SAMD12: variants seen among roughly 807,000 people sequenced by gnomAD.
SAMD12 encodes the protein sterile alpha motif domain-containing protein 12.
Under a neutral mutation model 15.0 loss-of-function variants are expected in SAMD12, and 9 were observed. That is an observed-to-expected ratio of 0.60 (90% CI 0.36 to 1.05). SAMD12 has a LOEUF of 1.05. Among genes scored for constraint, SAMD12 ranks in the 50% least tolerant of loss-of-function variants. The pLI is 0.01. For missense variants in SAMD12, 230 were observed against 234.2 expected (o/e 0.98, Z 0.12); for synonymous variants, 86 against 90.1 (o/e 0.96, Z 0.25).
In SAMD12 at chr8:118,256,779, T is replaced by TACACACACAC. The variant is rs3052764; in HGVS notation, c.434-59057_434-59048dup. On this transcript the variant is annotated intron_variant, in intron 4 of 4. Coordinates refer to the SAMD12 transcript ENST00000409003. ...CTTAATGTAATATATCTGCATAAGA[T>TACACACACAC]ACACACACACACACACACACACACA... Among the ~76,000 whole-genome samples, 808 of 139,856 alleles carry TACACACACAC rather than the reference T, an allele frequency of 5.8e-3. 15 individuals carry two copies. The highest frequency in any genetic ancestry group is 0.035 in the Admixed American group (471 of 13,584). The allele number at this position is 139,856 out of a possible 152,430, so 91.8% of individuals were successfully genotyped here.
At chr8:118,459,067 C>T (rs1586734220) in intron 2 of SAMD12, among the ~76,000 whole-genome samples, 2 of 78,468 alleles carry the variant, frequency 2.5e-5, no homozygotes, top group South Asian at 7.9e-4. Flanking sequence ...AGGTATCAAA[C>T]AATTGTTTTT....
intron 4 of SAMD12, among the ~76,000 whole-genome samples, chr8:118,284,050 C>T (rs1442934007): frequency 6.6e-6 from 1 of 152,152 alleles, no homozygotes; most frequent in Admixed American, 6.5e-5. Flanking sequence ...GCTTTCACGA[C>T]AATAAAATGG....
rs1317765069 is a variant in SAMD12 at position 118,605,829 on chromosome 8, T to C, written c.13+15975A>G. 1.6e-3 allele frequency among the ~76,000 whole-genome samples: 101 copies of C among 64,250 alleles called. 3 individuals are homozygous for C. Among genetic ancestry groups the C allele is most frequent in the African/African-American group, 4.4e-3 (73 of 16,570 alleles). The allele number at this position is 64,250 out of a possible 152,430, so 42.2% of individuals were successfully genotyped here. On this transcript the variant is annotated intron_variant, in intron 1 of 3. Coordinates refer to ENST00000314727, the MANE Select transcript of SAMD12 (RefSeq NM_207506.3). ...ATATATATATATATATATATATATA[T>C]ATACTGACCATCAACAACCAGTATA...
chr8:118,398,337 T>G (rs1820694368), intron 3 of SAMD12, among the ~76,000 whole-genome samples: 1 of 152,134 alleles, frequency 6.6e-6, no homozygotes, highest in African/African-American at 2.4e-5. Flanking sequence ...CGATGCAGGT[T>G]ACAGTGAGCT....
chr8:118,251,780 A>C (rs997265294), intron 4 of SAMD12, among the ~76,000 whole-genome samples: 1 of 151,588 alleles, frequency 6.6e-6, no homozygotes, highest in African/African-American at 2.4e-5. Flanking sequence ...AACCTCAAAG[A>C]CCTTGTCTCT....
chr8:118,307,380 A>G (rs62532671), intron 4 of SAMD12, among the ~76,000 whole-genome samples: 10 of 152,130 alleles, frequency 6.6e-5, no homozygotes, highest in Admixed American at 5.9e-4. Flanking sequence ...GCCATAAGCT[A>G]TCTGTTCAAA....
intron 4 of SAMD12, chr8:118,284,422 G>T: frequency 2.2e-6 from 1 of 453,874 alleles, no homozygotes; most frequent in Non-Finnish European, 4.4e-6. Flanking sequence ...AGATTGACAA[G>T]TGAGTGATTC....
chr8:118,255,920 G>C (rs965124550), intron 4 of SAMD12, among the ~76,000 whole-genome samples: 1 of 152,078 alleles, frequency 6.6e-6, no homozygotes, highest in Non-Finnish European at 1.5e-5. Flanking sequence ...GATCCCTGAG[G>C]AATCTCCACA....
chr8:118,204,200 C>A (rs1819796607), intron 4 of SAMD12, among the ~76,000 whole-genome samples: 1 of 150,654 alleles, frequency 6.6e-6, no homozygotes, highest in Admixed American at 6.6e-5. Flanking sequence ...GAGAGGTATG[C>A]TTAATTAATT....
chr8:118,379,493 C>T lies in SAMD12; in HGVS notation c.530G>A (p.Gly177Glu), dbSNP rs764331031. The T allele has an allele frequency of 3.1e-6, 5 of 1,613,734 alleles. No homozygotes were observed. Among genetic ancestry groups the T allele is most frequent in the Non-Finnish European group, 4.2e-6 (5 of 1,179,858 alleles). ...CAAATTCTCCCTGACTCCTGTCTGT[C>T]CTAATAGTAAGGTGGTCTTTCTTCT... ...EIRRKTTLLLGQTGVRENLLL... is the reference protein window; with the variant it reads ...EIRRKTTLLLEQTGVRENLLL... Residue 177 changes from glycine to glutamate, a missense_variant, in exon 4 of 4, where the codon GGA (glycine) becomes GAA (glutamate). Coordinates refer to ENST00000314727, the MANE Select transcript of SAMD12 (RefSeq NM_207506.3).
chr8:118,611,186 C>T (rs1828101999), intron 1 of SAMD12, among the ~76,000 whole-genome samples: 1 of 152,154 alleles, frequency 6.6e-6, no homozygotes, highest in African/African-American at 2.4e-5. Flanking sequence ...GTACTTCTAA[C>T]TGATGGGAAG....
In SAMD12 at chr8:118,542,883, G is replaced by A. The variant is rs528890937; in HGVS notation, c.192+37832C>T. ...ATCTACACTACCATCTTACATGCAAGGTTGTCCCTAGCCTACAGCTAAATT... is the reference window on the plus strand; with the variant it reads ...ATCTACACTACCATCTTACATGCAAAGTTGTCCCTAGCCTACAGCTAAATT... On this transcript the variant is annotated intron_variant, in intron 2 of 3. Transcript: ENST00000314727. Among the ~76,000 whole-genome samples, 21 of 152,252 alleles carry A rather than the reference G, an allele frequency of 1.4e-4. No individual in the cohort carries two copies. The South Asian group carries it at 4.4e-3, about 32-fold the overall frequency.
intron 3 of SAMD12, among the ~76,000 whole-genome samples, chr8:118,425,502 A>C (rs1475467416): frequency 6.6e-6 from 1 of 152,178 alleles, no homozygotes; most frequent in Non-Finnish European, 1.5e-5. Flanking sequence ...CTAGCAGCAC[A>C]GTGAGACTCC....
chr8:118,167,542 ACAAT>A, the SAMD12 span, among the ~76,000 whole-genome samples: 1 of 152,208 alleles, frequency 6.6e-6, no homozygotes, highest in Non-Finnish European at 1.5e-5. Context: ...ACAAAAATGG[ACAAT>A]CACTTAGTTA....
the SAMD12 span, among the ~76,000 whole-genome samples, chr8:118,139,070 A>G: frequency 1.3e-5 from 2 of 152,214 alleles, no homozygotes; most frequent in Admixed American, 1.3e-4. Context: ...GACCAAGTGG[A>G]GGCAGAGGTG....
chr8:118,510,981 G>A (rs920700525), intron 2 of SAMD12, among the ~76,000 whole-genome samples: 4 of 152,136 alleles, frequency 2.6e-5, no homozygotes, highest in African/African-American at 7.2e-5. Flanking sequence ...CAACACTGTT[G>A]TCATTTAAAA....
chr8:118,468,925 C>A (rs1823677536), intron 2 of SAMD12, among the ~76,000 whole-genome samples: 1 of 152,184 alleles, frequency 6.6e-6, no homozygotes, highest in African/African-American at 2.4e-5. Flanking sequence ...TATTAAGTTG[C>A]AGTGAGAGGC....
chr8:118,520,600 C>G (rs912691624), intron 2 of SAMD12, among the ~76,000 whole-genome samples: 1 of 152,110 alleles, frequency 6.6e-6, no homozygotes, highest in Non-Finnish European at 1.5e-5. Flanking sequence ...GATACAGGCT[C>G]TCAATGGCAG....
intron 4 of SAMD12, among the ~76,000 whole-genome samples, chr8:118,279,497 A>G (rs1264510846): frequency 6.6e-6 from 1 of 152,216 alleles, no homozygotes; most frequent in East Asian, 1.9e-4. Flanking sequence ...TAACATTAAG[A>G]AGACATGGTT....
Sources: gnomAD v4.1 joint callset for allele counts (sites outside exome capture counted in the v4.1 genomes callset) on GRCh38, gnomAD v4.1.1 for gene constraint, MANE v1.5 for transcripts, NCBI Gene and HGNC (gene_info 2026-07-23, HGNC 2026-07-21) for gene names.